The following CEP44 variants were observed in gnomAD, a reference collection of about 807,000 sequenced individuals.
CEP44 encodes centrosomal protein of 44 kDa.
A neutral mutation model predicts 46.7 loss-of-function variants in CEP44; 45 were observed. The ratio of observed to expected loss-of-function variants is 0.96; its 90% CI spans 0.76 to 1.24. CEP44 has a LOEUF of 1.24. Among genes scored for constraint, CEP44 ranks in the 50% most tolerant of loss-of-function variants. The probability of loss-of-function intolerance (pLI) is 0.00; values close to 1 mark genes in which losing one functional copy is unlikely to be tolerated. For missense variants in CEP44, 475 were observed against 459.7 expected (o/e 1.03, Z -0.30); for synonymous variants, 142 against 146.0 (o/e 0.97, Z 0.20).
chr4:174,320,010 T>C lies in CEP44; in HGVS notation c.*2627T>C. The C allele has an allele frequency of 1.0e-6, 1 of 985,330 alleles. No individual in the cohort carries two copies. Among genetic ancestry groups the C allele is most frequent in the Non-Finnish European group, 1.2e-6 (1 of 829,830 alleles). The allele number at this position is 985,330 out of a possible 1,614,324, so 61.0% of individuals were successfully genotyped here. On this transcript the variant is annotated 3_prime_UTR_variant, in exon 12 of 12. Coordinates refer to ENST00000503780, the MANE Select transcript of CEP44 (RefSeq NM_001040157.3). ...AAGTTAAGTAAAATTTTCACTTTCA[T>C]TCTTTTCATTCTCTCATAAACTGGT...
Position 174,287,051 on chromosome 4 carries a change from C to T in CEP44, c.-148+3108C>T, listed in dbSNP as rs376491621. ...TGGCTAACCAGCAGGAGTTTGGGAC[C>T]GATGACAGTGCAAAACATCTTGACT... On this transcript the variant is annotated intron_variant, in intron 1 of 11. Transcript: ENST00000503780. The surrounding 1 kb of genome is among the most constrained non-coding windows in gnomAD (Gnocchi z 5.1). 6.6e-6 allele frequency among the ~76,000 whole-genome samples: 1 copy of T among 152,192 alleles called. No homozygotes were observed. Among genetic ancestry groups the T allele is most frequent in the African/African-American group, 2.4e-5 (1 of 41,524 alleles).
downstream of CEP44, among the ~76,000 whole-genome samples, chr4:174,321,538 C>T (rs1742316377): frequency 6.6e-6 from 1 of 152,070 alleles, no homozygotes; most frequent in African/African-American, 2.4e-5. Flanking sequence ...ATACCATTAG[C>T]CTCCATCTTT....
Position 174,327,690 on chromosome 4 carries a change from G to A in CEP44, c.1087-3792G>A, listed in dbSNP as rs111789768. Among the ~76,000 whole-genome samples, 567 of 152,216 alleles carry A rather than the reference G, an allele frequency of 3.7e-3. 5 individuals carry two copies. The highest frequency in any genetic ancestry group is 0.013 in the African/African-American group (535 of 41,548). Reference sequence around the variant, plus strand: ...ATACTGTATTACTGACTGTAGTGGGGAATGGATAGATTATTCAGTAAAAAG... The same window carrying A: ...ATACTGTATTACTGACTGTAGTGGGAAATGGATAGATTATTCAGTAAAAAG... On this transcript the variant is annotated intron_variant, in intron 8 of 8. Coordinates refer to the CEP44 transcript ENST00000426172.
At chr4:174,303,112 G>A (rs940056202) in intron 4 of CEP44, among the ~76,000 whole-genome samples, 2 of 152,130 alleles carry the variant, frequency 1.3e-5, no homozygotes, top group Admixed American at 1.3e-4. Flanking sequence ...CAGAGTTGCA[G>A]TCAATGAAAT....
In CEP44 at chr4:174,297,321, C is replaced by T. The variant is rs1739153477; in HGVS notation, c.-147-645C>T. On this transcript the variant is annotated intron_variant, in intron 1 of 11. Coordinates refer to ENST00000503780, the MANE Select transcript of CEP44 (RefSeq NM_001040157.3). The surrounding 1 kb of genome is among the most constrained non-coding windows in gnomAD (Gnocchi z 4.3). Reference sequence around the variant, plus strand: ...TCTATTTCCACCAAATTTTTCTTCTCTGCTTATTTTGTTTAAGGTATTTAT... The same window carrying T: ...TCTATTTCCACCAAATTTTTCTTCTTTGCTTATTTTGTTTAAGGTATTTAT... Among the ~76,000 whole-genome samples, 1 of 151,440 alleles carries T rather than the reference C, an allele frequency of 6.6e-6. No homozygotes were observed. The highest frequency in any genetic ancestry group is 2.4e-5 in the African/African-American group (1 of 41,170).
chr4:174,286,225 G>A lies in CEP44; in HGVS notation c.-148+2282G>A, dbSNP rs1737569442. 6.6e-6 allele frequency among the ~76,000 whole-genome samples: 1 copy of A among 152,162 alleles called. No homozygotes were observed. The highest frequency in any genetic ancestry group is 2.4e-5 in the African/African-American group (1 of 41,430). On this transcript the variant is annotated intron_variant, in intron 1 of 11. Transcript: ENST00000503780. This position sits in a 1 kb window ranked among gnomAD's most constrained non-coding sequence, Gnocchi z 5.2. ...GGAAATGGCTGTGGAAATGAGTGGC[G>A]AGGGGCTTAAAGTAGGAAGCTTACT...
At position 174,329,341 on chromosome 4, in the gene CEP44, G is replaced by GAC. The variant is rs374868449; in HGVS notation, c.1087-2123_1087-2122dup. ...TTGCTCAAACACAGACACACACACA[G>GAC]ACACACACACACACACACATTTTAA... On this transcript the variant is annotated intron_variant, in intron 8 of 8. Coordinates refer to the CEP44 transcript ENST00000426172. This position sits in a 1 kb window ranked among gnomAD's most constrained non-coding sequence, Gnocchi z 4.0. Among the ~76,000 whole-genome samples, 23,625 of 150,262 alleles carry GAC rather than the reference G, an allele frequency of 0.16. 2,013 individuals carry two copies. The highest frequency in any genetic ancestry group is 0.31 in the Middle Eastern group (91 of 292).
rs1289606265 is a variant in CEP44, at chr4:174,290,128, A to G, written c.-148+6185A>G. The stretch of plus-strand genomic sequence containing the variant: ...CTCAGCCCCCAAAAGTGCTAGGATT[A>G]TAGGCGTGAGCCACTGTGTCCTGCC... On this transcript the variant is annotated intron_variant, in intron 1 of 11. Transcript: ENST00000503780. This position sits in a 1 kb window ranked among gnomAD's most constrained non-coding sequence, Gnocchi z 4.3. Among the ~76,000 whole-genome samples the G allele has an allele frequency of 6.6e-6, 1 of 152,180 alleles. No homozygotes were observed. Among genetic ancestry groups the G allele is most frequent in the East Asian group, 1.9e-4 (1 of 5,194 alleles).
Position 174,326,214 on chromosome 4 carries a change from G to T in CEP44, c.1087-5268G>T, listed in dbSNP as rs1417736492. ...TTTTTCTTGGCTTATGAAGTATCCTGTGTGTGTATGTGTGTGTGTGTGTCT... is the reference window on the plus strand; with the variant it reads ...TTTTTCTTGGCTTATGAAGTATCCTTTGTGTGTATGTGTGTGTGTGTGTCT... On this transcript the variant is annotated intron_variant, in intron 8 of 8. Transcript: ENST00000426172. The surrounding 1 kb of genome is among the most constrained non-coding windows in gnomAD (Gnocchi z 4.8). Among the ~76,000 whole-genome samples, 1 of 151,260 alleles carries T rather than the reference G, an allele frequency of 6.6e-6. No individual in the cohort carries two copies. Among genetic ancestry groups the T allele is most frequent in the Non-Finnish European group, 1.5e-5 (1 of 67,702 alleles).
intron 6 of CEP44, among the ~76,000 whole-genome samples, chr4:174,307,935 A>G (rs184264753): frequency 2.6e-5 from 4 of 152,256 alleles, no homozygotes; most frequent in Admixed American, 6.5e-5. Context: ...CAGAATGACT[A>G]TTATTAAAAA....
chr4:174,331,962 T>C lies in CEP44; in HGVS notation c.*367T>C, dbSNP rs567926890. ...TCCTTCATTAATTTAAATATTTTTATCGGCTCTAGAAAATGCATAAGGTTA... is the reference window on the plus strand; with the variant it reads ...TCCTTCATTAATTTAAATATTTTTACCGGCTCTAGAAAATGCATAAGGTTA... On this transcript the variant is annotated 3_prime_UTR_variant, in exon 9 of 9. Transcript: ENST00000426172. The surrounding 1 kb of genome is among the most constrained non-coding windows in gnomAD (Gnocchi z 4.5). 5.6e-5 allele frequency: 10 copies of C among 178,318 alleles called. No individual in the cohort carries two copies. In the East Asian group the frequency reaches 1.3e-3, roughly 24 times the overall value. The allele number at this position is 178,318 out of a possible 1,614,324, so 11.0% of individuals were successfully genotyped here.
chr4:174,315,710 T>A (rs567614773), intron 9 of CEP44, among the ~76,000 whole-genome samples: 3 of 151,746 alleles, frequency 2.0e-5, no homozygotes, highest in African/African-American at 4.8e-5. Context: ...GCGTGGTAGC[T>A]GGCGCCTGTA....
At position 174,301,108 on chromosome 4, in the gene CEP44, A is replaced by G. The variant is rs551808986; in HGVS notation, c.90-931A>G. Among the ~76,000 whole-genome samples, 6 of 152,280 alleles carry G rather than the reference A, an allele frequency of 3.9e-5. No homozygotes were observed. In the East Asian group the frequency reaches 9.6e-4, roughly 24 times the overall value. On this transcript the variant is annotated intron_variant, in intron 3 of 11. Coordinates refer to ENST00000503780, the MANE Select transcript of CEP44 (RefSeq NM_001040157.3). The surrounding 1 kb of genome is among the most constrained non-coding windows in gnomAD (Gnocchi z 4.3). The stretch of plus-strand genomic sequence containing the variant: ...ACAAAATGCAGTGCTATCATCATGT[A>G]TTTGTTCTCTGTCTTACTAAAAATT...
intron 6 of CEP44, among the ~76,000 whole-genome samples, chr4:174,306,779 TCAA>T (rs1740453267): frequency 6.6e-6 from 1 of 152,114 alleles, no homozygotes; most frequent in Non-Finnish European, 1.5e-5. Flanking sequence ...AGATACAAAA[TCAA>T]TGTGCAAAAA....
At chr4:174,303,999 T>C in intron 5 of CEP44, 150 bp downstream of exon 5, 1 of 723,282 alleles carries the variant, frequency 1.4e-6, no homozygotes, top group Non-Finnish European at 2.1e-6. Flanking sequence ...ATAAAGCTTG[T>C]TGTTTATTTT....
chr4:174,299,236 G>A, intron 3 of CEP44, 26 bp downstream of exon 3: 7 of 1,555,326 alleles, frequency 4.5e-6, no homozygotes, highest in South Asian at 1.2e-5. Context: ...AAACTTAATT[G>A]TATTCTTCTT....
At position 174,329,037 on chromosome 4, in the gene CEP44, C is replaced by T. The variant is rs1435104792; in HGVS notation, c.1087-2445C>T. Among the ~76,000 whole-genome samples the T allele has an allele frequency of 2.0e-5, 3 of 152,084 alleles. No homozygotes were observed. Among genetic ancestry groups the T allele is most frequent in the Non-Finnish European group, 4.4e-5 (3 of 68,018 alleles). On this transcript the variant is annotated intron_variant, in intron 8 of 8. Coordinates refer to the CEP44 transcript ENST00000426172. The surrounding 1 kb of genome is among the most constrained non-coding windows in gnomAD (Gnocchi z 4.0). Reference sequence around the variant, plus strand: ...TCATAGCTCATTGCAACCTAGAACCCCTTGGCTCAAGCAATCCTCCCACAG... The same window carrying T: ...TCATAGCTCATTGCAACCTAGAACCTCTTGGCTCAAGCAATCCTCCCACAG...
chr4:174,305,379 T>C (rs1222434381), intron 6 of CEP44, among the ~76,000 whole-genome samples: 1 of 152,100 alleles, frequency 6.6e-6, no homozygotes, highest in East Asian at 1.9e-4. Flanking sequence ...GCTTGAACCC[T>C]GGAGGCAGAG....
Position 174,331,366 on chromosome 4 carries a change from T to G in CEP44, c.1087-116T>G, listed in dbSNP as rs997487937. ...TTAGGCATTATTTTCAGAGTACCTA[T>G]TATGGAAGAGGAGGAAATATTAATA... On this transcript the variant is annotated intron_variant, in intron 8 of 8. Coordinates refer to the CEP44 transcript ENST00000426172. This position sits in a 1 kb window ranked among gnomAD's most constrained non-coding sequence, Gnocchi z 4.5. The G allele has an allele frequency of 3.7e-6, 4 of 1,069,204 alleles. No individual in the cohort carries two copies. In the African/African-American group the frequency reaches 6.3e-5, roughly 17 times the overall value. 66.2% of individuals were successfully genotyped at this position (1,069,204 alleles called of 1,614,324 possible).
Sources: gnomAD v4.1 joint callset for allele counts (sites outside exome capture counted in the v4.1 genomes callset) on GRCh38, gnomAD v4.1.1 for gene constraint, Gnocchi (gnomAD v3.1) non-coding constraint, MANE v1.5 for transcripts, NCBI Gene and HGNC (gene_info 2026-07-23, HGNC 2026-07-21) for gene names.